Variants in COL26A1 observed in about 807,000 individuals in gnomAD.
COL26A1 encodes the protein collagen alpha-1(XXVI) chain.
Under a neutral mutation model 59.3 loss-of-function variants are expected in COL26A1, and 41 were observed. The observed-to-expected ratio is 0.69, with a 90% CI of 0.54 to 0.90. COL26A1 has a LOEUF of 0.90. COL26A1 is among the 40% of genes least tolerant of loss of function. The pLI is 0.00. For missense variants in COL26A1, 612 were observed against 602.3 expected (o/e 1.02, Z -0.17); for synonymous variants, 266 against 256.0 (o/e 1.04, Z -0.37).
intron 1 of COL26A1, among the ~76,000 whole-genome samples, chr7:101,365,165 A>G (rs964403601): frequency 5.3e-5 from 8 of 152,232 alleles, no homozygotes; most frequent in African/African-American, 1.9e-4. Flanking sequence ...AGCATTCTCC[A>G]AACACCCACG....
intron 3 of COL26A1, among the ~76,000 whole-genome samples, chr7:101,521,145 A>G (rs1240290160): frequency 6.6e-6 from 1 of 152,080 alleles, no homozygotes; most frequent in Non-Finnish European, 1.5e-5. Context: ...GTGCAGGGGG[A>G]ACTGCCACTT....
intron 3 of COL26A1, among the ~76,000 whole-genome samples, chr7:101,454,614 T>A (rs370817895): frequency 6.6e-6 from 1 of 152,242 alleles, no homozygotes; most frequent in African/African-American, 2.4e-5. Flanking sequence ...TTCTGCCTTT[T>A]TGGGGGTGGT....
At chr7:101,370,965 C>CA (rs60789946) in intron 1 of COL26A1, among the ~76,000 whole-genome samples, 3 of 151,408 alleles carry the variant, frequency 2.0e-5, no homozygotes, top group African/African-American at 7.3e-5. Context: ...GAACTCACTT[C>CA]CCCAGTTTCC....
intron 1 of COL26A1, among the ~76,000 whole-genome samples, chr7:101,396,709 A>C (rs923200208): frequency 6.6e-6 from 1 of 151,950 alleles, no homozygotes; most frequent in Non-Finnish European, 1.5e-5. Flanking sequence ...TGATCCACCC[A>C]CCTCGGCCTC....
chr7:101,467,340 T>C (rs1793787688), intron 3 of COL26A1, among the ~76,000 whole-genome samples: 1 of 139,762 alleles, frequency 7.2e-6, no homozygotes, highest in African/African-American at 2.5e-5. Context: ...GTCTTCTGGT[T>C]TCATGGCGAA....
intron 3 of COL26A1, among the ~76,000 whole-genome samples, chr7:101,488,475 A>G (rs1794317837): frequency 6.8e-6 from 1 of 147,008 alleles, no homozygotes; most frequent in Non-Finnish European, 1.5e-5. Context: ...TCCTGGGTTC[A>G]AGTGATTCTC....
At chr7:101,429,405 A>G (rs903785695) in intron 2 of COL26A1, among the ~76,000 whole-genome samples, 4 of 151,906 alleles carry the variant, frequency 2.6e-5, no homozygotes, top group African/African-American at 9.7e-5. Context: ...TTGCTTTTAT[A>G]GCTTTCTCAA....
Position 101,466,837 on chromosome 7 carries a change from T to TGA in COL26A1, c.385+19061_385+19062dup, listed in dbSNP as rs1554416674. Among the ~76,000 whole-genome samples the TGA allele has an allele frequency of 5.3e-3, 654 of 122,668 alleles. 13 individuals carry two copies. The highest frequency in any genetic ancestry group is 0.017 in the Middle Eastern group (4 of 232). 80.5% of individuals were successfully genotyped at this position (122,668 alleles called of 152,430 possible). ...GTGTGTGTGTGTGTGTGTGTGTGTG[T>TGA]GAGAGAGAGAGATTCAGTCTCTGCC... On this transcript the variant is annotated intron_variant, in intron 3 of 12. Coordinates refer to ENST00000313669, the MANE Select transcript of COL26A1 (RefSeq NM_001278563.3).
intron 3 of COL26A1, among the ~76,000 whole-genome samples, chr7:101,489,410 C>T (rs7796328): frequency 0.41 from 62,032 of 151,992 alleles, 13,300 homozygotes; most frequent in African/African-American, 0.53. Context: ...GACCTGAGAG[C>T]CTCTCTCCAA....
intron 3 of COL26A1, among the ~76,000 whole-genome samples, chr7:101,489,825 T>G (rs1297490666): frequency 2.0e-4 from 2 of 9,784 alleles, no homozygotes; most frequent in East Asian, 2.2e-3. Context: ...TTTCTTTCTT[T>G]CTTTCTTTCT....
At chr7:101,420,207 C>T in intron 2 of COL26A1, 108 bp downstream of exon 2, 10 of 1,325,656 alleles carry the variant, frequency 7.5e-6, no homozygotes, top group African/African-American at 1.4e-5. Context: ...CAGACAAAGG[C>T]TGAGCATGCA....
intron 3 of COL26A1, among the ~76,000 whole-genome samples, chr7:101,450,922 AAT>A (rs1374549845): frequency 7.8e-6 from 1 of 128,218 alleles, no homozygotes; most frequent in South Asian, 2.1e-4. Context: ...ATATTCCAGT[AAT>A]ATATATTATC....
chr7:101,528,736 A>G (rs986698212), intron 3 of COL26A1, among the ~76,000 whole-genome samples: 15 of 152,122 alleles, frequency 9.9e-5, no homozygotes, highest in African/African-American at 3.6e-4. Context: ...TTTTGTACAG[A>G]CAGGGTCTCA....
chr7:101,437,157 T>C (rs1172244988), intron 2 of COL26A1, among the ~76,000 whole-genome samples: 2 of 152,156 alleles, frequency 1.3e-5, no homozygotes, highest in African/African-American at 2.4e-5. Context: ...AATAATTACA[T>C]ACATGGGTGT....
chr7:101,467,065 C>T (rs1439638338), intron 3 of COL26A1, among the ~76,000 whole-genome samples: 1 of 151,870 alleles, frequency 6.6e-6, no homozygotes, highest in Non-Finnish European at 1.5e-5. Flanking sequence ...CAACCAAATT[C>T]CCCTTGGAGG....
intron 1 of COL26A1, among the ~76,000 whole-genome samples, chr7:101,402,437 C>A (rs1792030255): frequency 6.6e-6 from 1 of 152,132 alleles, no homozygotes; most frequent in African/African-American, 2.4e-5. Context: ...CTTCCCCTTT[C>A]CCCTTCTCTG....
intron 1 of COL26A1, among the ~76,000 whole-genome samples, chr7:101,392,646 C>T (rs980796900): frequency 1.3e-5 from 2 of 152,096 alleles, no homozygotes; most frequent in African/African-American, 4.8e-5. Context: ...GAGTGATCCA[C>T]CCGCCTCAGC....
In COL26A1 at chr7:101,419,895, C is replaced by G. The variant is rs1473186320; in HGVS notation, c.159-82C>G. The G allele has an allele frequency of 2.0e-6, 3 of 1,524,396 alleles. No individual in the cohort carries two copies. In the African/African-American group the frequency reaches 4.1e-5, roughly 21 times the overall value. The allele number at this position is 1,524,396 out of a possible 1,614,324, so 94.4% of individuals were successfully genotyped here. Reference sequence around the variant, plus strand: ...CCACCCCAGGTTTGCGGGGGCCCCTCCCTGTCCAGCACGGCCCCCTGACCC... The same window carrying G: ...CCACCCCAGGTTTGCGGGGGCCCCTGCCTGTCCAGCACGGCCCCCTGACCC... On this transcript the variant is annotated intron_variant, in intron 1 of 12. Transcript: ENST00000313669.
chr7:101,554,030 C>T (rs998849733), intron 11 of COL26A1, among the ~76,000 whole-genome samples: 2 of 151,258 alleles, frequency 1.3e-5, no homozygotes, highest in African/African-American at 4.9e-5. Flanking sequence ...AATTCCTCCC[C>T]TCAGCTGGCC....
Sources: allele counts gnomAD v4.1 joint callset (sites outside exome capture counted in the v4.1 genomes callset), GRCh38; gene constraint gnomAD v4.1.1; transcripts MANE v1.5; gene names NCBI Gene and HGNC (gene_info 2026-07-23, HGNC 2026-07-21).